Variants in SAMMSON observed in about 807,000 individuals in gnomAD.
The protein encoded by SAMMSON is long intergenic non-protein coding RNA 1212.
At chr3:70,309,796 G>A (rs909100666) in intron 7 of SAMMSON, among the ~76,000 whole-genome samples, 6 of 152,124 alleles carry the variant, frequency 3.9e-5, no homozygotes, top group African/African-American at 1.2e-4. Flanking sequence ...AACATAATTC[G>A]AGTGTAGCTT....
At chr3:70,295,486 T>G (rs1488218520) in intron 7 of SAMMSON, among the ~76,000 whole-genome samples, 1 of 152,224 alleles carries the variant, frequency 6.6e-6, no homozygotes, top group South Asian at 2.1e-4. Context: ...GATAATCACT[T>G]GAGGCCAGGA....
intron 4 of SAMMSON, among the ~76,000 whole-genome samples, chr3:70,207,223 C>A (rs1701299486): frequency 6.6e-6 from 1 of 151,952 alleles, no homozygotes; most frequent in African/African-American, 2.4e-5. Context: ...CACTTTATTA[C>A]TTTGTTTTTA....
chr3:70,317,625 T>C (rs1365903717), intron 7 of SAMMSON, among the ~76,000 whole-genome samples: 1 of 151,408 alleles, frequency 6.6e-6, no homozygotes, highest in Non-Finnish European at 1.5e-5. Flanking sequence ...TATATGTATA[T>C]ATATATATGG....
chr3:70,006,793 C>A (rs577171375), intron 1 of SAMMSON, among the ~76,000 whole-genome samples: 1 of 110,958 alleles, frequency 9.0e-6, no homozygotes, highest in African/African-American at 3.5e-5. Flanking sequence ...GCTATCCCTC[C>A]CCCCTCCCCC....
intron 4 of SAMMSON, among the ~76,000 whole-genome samples, chr3:70,149,188 T>G (rs2067561691): frequency 6.6e-6 from 1 of 152,096 alleles, no homozygotes; most frequent in South Asian, 2.1e-4. Flanking sequence ...TTATAGCTAT[T>G]TCCAATAGGT....
In SAMMSON at chr3:70,047,075, G is replaced by A. The variant is rs2067129498; in HGVS notation, n.418-24401G>A. 4.6e-5 allele frequency among the ~76,000 whole-genome samples: 7 copies of A among 152,208 alleles called. No individual in the cohort carries two copies. The South Asian group carries it at 1.4e-3, about 32-fold the overall frequency. On this transcript the variant is annotated intron_variant and non_coding_transcript_variant, in intron 3 of 9. Transcript: ENST00000642114. ...ACTCACAGGTTCCAGGGATTTGGAT[G>A]TACCATTGTTCTGCTTACTGCTCAC...
intron 9 of SAMMSON, among the ~76,000 whole-genome samples, chr3:70,383,347 T>TAAAA (rs3081020): frequency 1.4e-5 from 2 of 144,668 alleles, no homozygotes; most frequent in East Asian, 2.0e-4. Flanking sequence ...AAAATAAAAA[T>TAAAA]AAAAAAAAAA....
intron 7 of SAMMSON, among the ~76,000 whole-genome samples, chr3:70,293,775 A>T (rs1702264250): frequency 6.6e-6 from 1 of 152,060 alleles, no homozygotes; most frequent in South Asian, 2.1e-4. Flanking sequence ...AACAATGAGT[A>T]TCTGAACCTT....
chr3:70,371,490 T>A (rs969880121), intron 9 of SAMMSON, among the ~76,000 whole-genome samples: 1 of 152,060 alleles, frequency 6.6e-6, no homozygotes, highest in Admixed American at 6.6e-5. Flanking sequence ...ATTTATTTTA[T>A]CAGTGTTTTG....
intron 7 of SAMMSON, among the ~76,000 whole-genome samples, chr3:70,338,814 T>G (rs1702686589): frequency 6.6e-6 from 1 of 152,094 alleles, no homozygotes; most frequent in South Asian, 2.1e-4. Flanking sequence ...ATCATGAAAA[T>G]GGCCATACTG....
chr3:70,433,139 T>C (rs1433999411), intron 2 of SAMMSON, among the ~76,000 whole-genome samples: 2 of 152,142 alleles, frequency 1.3e-5, no homozygotes. Flanking sequence ...CACATTTCTA[T>C]GTGGATATAA....
At chr3:70,131,584 T>G (rs534176121) in intron 4 of SAMMSON, among the ~76,000 whole-genome samples, 1 of 152,194 alleles carries the variant, frequency 6.6e-6, no homozygotes, top group African/African-American at 2.4e-5. Context: ...TGCAAGGCAA[T>G]ATAATTTGCA....
chr3:70,255,344 A>G (rs978245592), intron 6 of SAMMSON, among the ~76,000 whole-genome samples: 4 of 152,232 alleles, frequency 2.6e-5, no homozygotes, highest in Non-Finnish European at 5.9e-5. Context: ...TAAAAGGACC[A>G]AAGAAGAGGC....
At chr3:70,280,806 G>C (rs1482100597) in intron 6 of SAMMSON, among the ~76,000 whole-genome samples, 2 of 152,098 alleles carry the variant, frequency 1.3e-5, no homozygotes, top group African/African-American at 2.4e-5. Flanking sequence ...TTGACTGTAG[G>C]TCATGAAACA....
intron 4 of SAMMSON, among the ~76,000 whole-genome samples, chr3:70,175,394 T>A (rs1701002137): frequency 6.6e-6 from 1 of 152,066 alleles, no homozygotes; most frequent in South Asian, 2.1e-4. Context: ...ACTGACTGGT[T>A]TATTCTCATC....
chr3:70,371,540 G>A (rs57638173), intron 9 of SAMMSON, among the ~76,000 whole-genome samples: 2 of 151,584 alleles, frequency 1.3e-5, no homozygotes, highest in Non-Finnish European at 2.9e-5. Context: ...TTTTTGTTTT[G>A]TAGAGGTCTG....
At chr3:70,355,133 C>G (rs756349994) in intron 8 of SAMMSON, among the ~76,000 whole-genome samples, 4 of 152,170 alleles carry the variant, frequency 2.6e-5, no homozygotes, top group Non-Finnish European at 5.9e-5. Context: ...GACTTCAGGT[C>G]TCTTCTGAAT....
chr3:70,353,014 C>G (rs1399731464), intron 7 of SAMMSON, among the ~76,000 whole-genome samples: 1 of 151,898 alleles, frequency 6.6e-6, no homozygotes, highest in Admixed American at 6.6e-5. Flanking sequence ...GATACTAGAG[C>G]AATTGGACAT....
intron 7 of SAMMSON, among the ~76,000 whole-genome samples, chr3:70,345,037 CATATAA>C (rs1702740206): frequency 6.6e-6 from 1 of 152,172 alleles, no homozygotes; most frequent in African/African-American, 2.4e-5. Flanking sequence ...TATACTAACT[CATATAA>C]ATATAAATGT....
Sources: allele counts gnomAD v4.1 joint callset (sites outside exome capture counted in the v4.1 genomes callset), GRCh38; gene constraint gnomAD v4.1.1; transcripts MANE v1.5; gene names NCBI Gene and HGNC (gene_info 2026-07-23, HGNC 2026-07-21).